CCSER1: variants seen among roughly 807,000 people sequenced by gnomAD.
CCSER1 encodes serine-rich coiled-coil domain-containing protein 1.
CCSER1 carries 41 observed loss-of-function variants against 82.0 expected under a neutral mutation model. The ratio of observed to expected loss-of-function variants is 0.50; its 90% CI spans 0.39 to 0.65. The LOEUF is 0.65. CCSER1 is among the 30% of genes least tolerant of loss of function. The pLI is 0.00. For missense variants in CCSER1, 1,119 were observed against 1,064.2 expected (o/e 1.05, Z -0.72); for synonymous variants, 414 against 383.9 (o/e 1.08, Z -0.92).
intron 1 of CCSER1, among the ~76,000 whole-genome samples, chr4:90,275,892 T>G (rs993916903): frequency 2.0e-5 from 3 of 152,172 alleles, no homozygotes; most frequent in African/African-American, 7.2e-5. Flanking sequence ...GAAATATCAA[T>G]AGACCTTTGT....
chr4:91,347,387 T>C (rs1748131078), intron 10 of CCSER1, among the ~76,000 whole-genome samples: 1 of 152,124 alleles, frequency 6.6e-6, no homozygotes, highest in African/African-American at 2.4e-5. Context: ...TCTTGAAGTT[T>C]GGTAGTATCA....
chr4:91,146,682 G>T (rs1455977036), intron 10 of CCSER1, among the ~76,000 whole-genome samples: 2 of 151,004 alleles, frequency 1.3e-5, no homozygotes, highest in Non-Finnish European at 3.0e-5. Flanking sequence ...ATAGTCAATT[G>T]GCTTTATTTC....
At chr4:90,750,039 C>T (rs1411214051) in intron 7 of CCSER1, among the ~76,000 whole-genome samples, 1 of 152,060 alleles carries the variant, frequency 6.6e-6, no homozygotes, top group Non-Finnish European at 1.5e-5. Context: ...TCTCTGATGG[C>T]CAGTGATGGT....
chr4:90,937,550 C>A (rs1731102258), intron 9 of CCSER1, among the ~76,000 whole-genome samples: 1 of 151,240 alleles, frequency 6.6e-6, no homozygotes, highest in Non-Finnish European at 1.5e-5. Flanking sequence ...GGGTAGAATC[C>A]ACACTCCCCA....
At chr4:90,610,699 ACAT>A (rs1785352193) in intron 5 of CCSER1, among the ~76,000 whole-genome samples, 1 of 152,198 alleles carries the variant, frequency 6.6e-6, no homozygotes, top group Non-Finnish European at 1.5e-5. Context: ...ATTATGATGA[ACAT>A]CATATTTTTA....
At chr4:90,447,246 T>A (rs1760780454) in intron 4 of CCSER1, among the ~76,000 whole-genome samples, 1 of 152,116 alleles carries the variant, frequency 6.6e-6, no homozygotes. Flanking sequence ...TTGATTATAT[T>A]CAACTAAATA....
rs186314554 is a variant in CCSER1, at chr4:90,157,694, G to A, written c.-42+29863G>A. On this transcript the variant is annotated intron_variant, in intron 1 of 10. Coordinates refer to ENST00000509176, the MANE Select transcript of CCSER1 (RefSeq NM_001145065.2). ...CTCCTGAGGCTTCTGCATTCTTCAC[G>A]TAGTTCTTGAGCCTTGGCTTTCAGC... Among the ~76,000 whole-genome samples the A allele has an allele frequency of 8.0e-3, 1,201 of 150,332 alleles. 12 individuals carry two copies. The highest frequency in any genetic ancestry group is 0.026 in the African/African-American group (1,067 of 41,366).
chr4:90,933,342 C>T (rs1398110529), intron 9 of CCSER1, among the ~76,000 whole-genome samples: 9 of 151,770 alleles, frequency 5.9e-5, no homozygotes, highest in South Asian at 4.2e-4. Context: ...CGCCCGCCAC[C>T]ACGCCCGGCT....
intron 8 of CCSER1, among the ~76,000 whole-genome samples, chr4:90,834,058 C>G (rs1346102528): frequency 2.6e-5 from 4 of 152,202 alleles, no homozygotes; most frequent in Middle Eastern, 3.4e-3. Context: ...ATGAATTACC[C>G]AGTCTGCAGT....
At chr4:90,785,456 A>G (rs969383247) in intron 7 of CCSER1, among the ~76,000 whole-genome samples, 9 of 152,206 alleles carry the variant, frequency 5.9e-5, no homozygotes, top group African/African-American at 2.2e-4. Context: ...TTCAAGTGGC[A>G]ATGGAAGAAC....
At chr4:91,181,004 T>C (rs1463312285) in intron 10 of CCSER1, among the ~76,000 whole-genome samples, 1 of 152,238 alleles carries the variant, frequency 6.6e-6, no homozygotes, top group East Asian at 1.9e-4. Context: ...TGTTTGTGGC[T>C]TAAGAATGAC....
At chr4:90,180,023 A>C (rs924788331) in intron 1 of CCSER1, among the ~76,000 whole-genome samples, 2 of 151,872 alleles carry the variant, frequency 1.3e-5, no homozygotes, top group African/African-American at 4.8e-5. Flanking sequence ...AAAATAGACT[A>C]AATTTTCTTA....
intron 1 of CCSER1, among the ~76,000 whole-genome samples, chr4:90,162,526 G>T (rs1729652283): frequency 6.6e-6 from 1 of 151,832 alleles, no homozygotes; most frequent in Non-Finnish European, 1.5e-5. Flanking sequence ...TTTTCAATTA[G>T]AAAATAATTT....
At chr4:91,597,112 A>G (rs1764619192) in intron 10 of CCSER1, among the ~76,000 whole-genome samples, 1 of 151,986 alleles carries the variant, frequency 6.6e-6, no homozygotes, top group African/African-American at 2.4e-5. Flanking sequence ...AAAAATTCCT[A>G]TGGAAATACT....
chr4:91,331,619 T>C (rs941871703), intron 10 of CCSER1, among the ~76,000 whole-genome samples: 4 of 152,166 alleles, frequency 2.6e-5, no homozygotes, highest in Admixed American at 6.6e-5. Flanking sequence ...TCCCTGACTC[T>C]GTCAAGGGCT....
chr4:90,372,622 C>A (rs1327486694), intron 3 of CCSER1, among the ~76,000 whole-genome samples: 1 of 151,994 alleles, frequency 6.6e-6, no homozygotes, highest in Non-Finnish European at 1.5e-5. Context: ...TGGTGGCAGG[C>A]ACCTGTAATC....
At chr4:90,608,333 G>A (rs931471328) in intron 5 of CCSER1, among the ~76,000 whole-genome samples, 1 of 152,084 alleles carries the variant, frequency 6.6e-6, no homozygotes, top group Non-Finnish European at 1.5e-5. Context: ...AACTCATGGA[G>A]GCTTCAATTT....
At chr4:90,612,888 A>G (rs561478607) in intron 5 of CCSER1, among the ~76,000 whole-genome samples, 2 of 152,322 alleles carry the variant, frequency 1.3e-5, no homozygotes, top group East Asian at 3.9e-4. Context: ...GGTGAGGGCC[A>G]GGGCATAGCA....
At chr4:91,422,504 T>C (rs941357142) in intron 10 of CCSER1, among the ~76,000 whole-genome samples, 1 of 152,188 alleles carries the variant, frequency 6.6e-6, no homozygotes, top group Non-Finnish European at 1.5e-5. Context: ...TTTGTATGCA[T>C]ATATTTTGTT....
Sources: gnomAD v4.1 joint callset for allele counts (sites outside exome capture counted in the v4.1 genomes callset) on GRCh38, gnomAD v4.1.1 for gene constraint, MANE v1.5 for transcripts, NCBI Gene and HGNC (gene_info 2026-07-23, HGNC 2026-07-21) for gene names.